The following LIMS1 variants were observed in gnomAD, a reference collection of about 807,000 sequenced individuals.
LIMS1 encodes LIM zinc finger domain containing 1.
LIMS1 carries 18 observed loss-of-function variants against 44.1 expected under a neutral mutation model. The ratio of observed to expected loss-of-function variants is 0.41; its 90% confidence interval spans 0.28 to 0.61. LIMS1 has a LOEUF of 0.61. Ranked by LOEUF, LIMS1 falls within the 20% of genes least tolerant of loss-of-function variation. LIMS1 has a pLI of 0.32. For synonymous variants in LIMS1, 93 were observed against 149.1 expected (o/e 0.62, Z 2.74); for missense variants, 201 against 422.0 (o/e 0.48, Z 4.59).
chr2:108,604,088 A>G (rs955743937), intron 1 of LIMS1, among the ~76,000 whole-genome samples: 1 of 151,978 alleles, frequency 6.6e-6, no homozygotes, highest in Non-Finnish European at 1.5e-5. Flanking sequence ...TCACTGGCCC[A>G]CTAGTCATTC....
chr2:108,602,042 G>C (rs1687044691), intron 1 of LIMS1, among the ~76,000 whole-genome samples: 1 of 152,004 alleles, frequency 6.6e-6, no homozygotes, highest in Admixed American at 6.6e-5. Context: ...TAATTCCTGG[G>C]TATTTTATTT....
chr2:108,674,512 G>A (rs1452255113), intron 5 of LIMS1, among the ~76,000 whole-genome samples: 1 of 151,558 alleles, frequency 6.6e-6, no homozygotes, highest in Admixed American at 6.6e-5. Context: ...CACGAGGTCA[G>A]GAGATCGAGA....
At chr2:108,573,862 G>A (rs143717591) in intron 1 of LIMS1, among the ~76,000 whole-genome samples, 3 of 152,204 alleles carry the variant, frequency 2.0e-5, no homozygotes, top group Non-Finnish European at 4.4e-5. Context: ...CCAAGATCAG[G>A]CTGAGGAAGA....
At chr2:108,657,432 T>C (rs1690956328) in intron 1 of LIMS1, among the ~76,000 whole-genome samples, 1 of 152,306 alleles carries the variant, frequency 6.6e-6, no homozygotes, top group Non-Finnish European at 1.5e-5. Context: ...AAATACTTTT[T>C]CCTCAGAACA....
At chr2:108,662,480 A>G (rs1691447797) in intron 2 of LIMS1, 7 of 1,367,688 alleles carry the variant, frequency 5.1e-6, no homozygotes, top group Non-Finnish European at 6.9e-6. Flanking sequence ...ACCCAGAACT[A>G]GGCTATTCAT....
At chr2:108,678,176 T>G in intron 8 of LIMS1, 149 bp downstream of exon 8, 1 of 779,686 alleles carries the variant, frequency 1.3e-6, no homozygotes, top group Non-Finnish European at 2.1e-6. Flanking sequence ...CCAAGTAATC[T>G]GTAGCAGTAA....
chr2:108,674,912 C>G (rs1692422980), intron 5 of LIMS1, among the ~76,000 whole-genome samples: 1 of 151,204 alleles, frequency 6.6e-6, no homozygotes, highest in South Asian at 2.1e-4. Flanking sequence ...GGATGAAATT[C>G]AAACAAGTCC....
intron 7 of LIMS1, among the ~76,000 whole-genome samples, chr2:108,677,657 AGC>A (rs1349811754): frequency 6.6e-6 from 1 of 152,140 alleles, no homozygotes; most frequent in Non-Finnish European, 1.5e-5. Context: ...TCTGGTCCTC[AGC>A]GCTCTGCCTG....
At chr2:108,606,189 T>C (rs1283594226) in intron 1 of LIMS1, among the ~76,000 whole-genome samples, 2 of 152,244 alleles carry the variant, frequency 1.3e-5, no homozygotes, top group Non-Finnish European at 2.9e-5. Context: ...ACACATTACT[T>C]ATGAAAGCTA....
intron 1 of LIMS1, among the ~76,000 whole-genome samples, chr2:108,537,832 C>T (rs577263204): frequency 2.6e-4 from 40 of 152,300 alleles, no homozygotes; most frequent in Middle Eastern, 3.4e-3. Context: ...TTCCTTTCCT[C>T]CTAGAGAGGG....
intron 1 of LIMS1, among the ~76,000 whole-genome samples, chr2:108,560,728 A>G (rs192828894): frequency 1.3e-5 from 2 of 152,226 alleles, no homozygotes; most frequent in Admixed American, 6.5e-5. Context: ...TTTTGTTGTC[A>G]TGTCTGTCCT....
At chr2:108,550,875 C>CT (rs1684664547) in intron 1 of LIMS1, among the ~76,000 whole-genome samples, 1 of 151,522 alleles carries the variant, frequency 6.6e-6, no homozygotes, top group South Asian at 2.1e-4. Context: ...AATCCCAGCA[C>CT]TTTGGGAGAC....
chr2:108,612,732 A>G (rs563947124), intron 1 of LIMS1, among the ~76,000 whole-genome samples: 3 of 152,040 alleles, frequency 2.0e-5, no homozygotes, highest in Non-Finnish European at 4.4e-5. Context: ...ACCATTCACA[A>G]TATTCACGTG....
intron 1 of LIMS1, among the ~76,000 whole-genome samples, chr2:108,656,878 T>C (rs1479015886): frequency 1.3e-4 from 10 of 74,832 alleles, no homozygotes; most frequent in Non-Finnish European, 2.2e-4. Context: ...CTATTAAGGT[T>C]CCCAAAGGAC....
At chr2:108,560,255 A>G (rs1292591783) in intron 1 of LIMS1, among the ~76,000 whole-genome samples, 1 of 152,092 alleles carries the variant, frequency 6.6e-6, no homozygotes, top group Non-Finnish European at 1.5e-5. Context: ...AGCCAAAGTG[A>G]TCTTGTTAAA....
chr2:108,678,740 GA>G (rs1692740779), intron 8 of LIMS1: 1 of 152,254 alleles, frequency 6.6e-6, no homozygotes, highest in Admixed American at 6.5e-5. Context: ...AGCTGCAAAG[GA>G]AACTGTCTTC....
At chr2:108,637,770 G>C (rs1689374670) in intron 1 of LIMS1, among the ~76,000 whole-genome samples, 1 of 149,488 alleles carries the variant, frequency 6.7e-6, no homozygotes, top group Admixed American at 6.8e-5. Context: ...TAAGTGATTT[G>C]AAATATAAAG....
rs551596968 is a variant in LIMS1 at position 108,638,036 on chromosome 2, G to A, written c.33-21569G>A. 4.5e-4 allele frequency among the ~76,000 whole-genome samples: 68 copies of A among 152,098 alleles called. No individual in the cohort carries two copies. The Middle Eastern group carries it at 0.01, about 23-fold the overall frequency. On this transcript the variant is annotated intron_variant, in intron 1 of 9. Coordinates refer to ENST00000544547, the Ensembl canonical transcript of LIMS1. ...CCCGGCTAATTTTTCTATAGAGATG[G>A]TGTGTCACCACGTTGCCCAGGCTGG...
At chr2:108,679,149 A>G (rs1692771542) in intron 8 of LIMS1, among the ~76,000 whole-genome samples, 1 of 152,058 alleles carries the variant, frequency 6.6e-6, no homozygotes, top group Non-Finnish European at 1.5e-5. Context: ...TTTACATTGT[A>G]CTAGGCATTA....
Sources: allele counts gnomAD v4.1 joint callset (sites outside exome capture counted in the v4.1 genomes callset), GRCh38; gene constraint gnomAD v4.1.1; transcripts MANE v1.5; gene names NCBI Gene and HGNC (gene_info 2026-07-23, HGNC 2026-07-21).